The following MAP4K5 variants were observed in gnomAD, a reference collection of about 807,000 sequenced individuals.
MAP4K5 encodes MAPK/ERK kinase kinase kinase 5.
In MAP4K5, 82 loss-of-function variants were observed where a neutral mutation model predicts 135.6. The observed-to-expected ratio is 0.60, with a 90% CI of 0.51 to 0.73. The LOEUF (loss-of-function observed/expected upper bound fraction) is 0.73. Ranked by LOEUF, MAP4K5 falls within the 30% of genes least tolerant of loss-of-function variation. The probability of loss-of-function intolerance (pLI) is 0.00; values close to 1 mark genes in which losing one functional copy is unlikely to be tolerated. For missense variants in MAP4K5, 907 were observed against 1,010.9 expected, an observed-to-expected ratio of 0.90 and a Z score of 1.39; for synonymous variants, 347 against 335.0, an observed-to-expected ratio of 1.04 and a Z score of -0.39.
intron 9 of MAP4K5, among the ~76,000 whole-genome samples, chr14:50,469,790 G>C (rs899191776): frequency 6.6e-6 from 1 of 152,184 alleles, no homozygotes; most frequent in Non-Finnish European, 1.5e-5. Context: ...ATAAAGTATA[G>C]ATGATACTGT....
Position 50,425,962 on chromosome 14 carries a change from C to T in MAP4K5, c.2342G>A (p.Ser781Asn), listed in dbSNP as rs2035836819. 5 of 1,611,388 alleles carry T rather than the reference C, an allele frequency of 3.1e-6. No homozygotes were observed. The Admixed American group carries it at 5.0e-5, about 16-fold the overall frequency. ...RIESVVCLQD[S>N]VLAFWKHGMQ... The stretch of plus-strand genomic sequence containing the variant: ...CCCATGTTTCCAGAAAGCCAACACA[C>T]TGTCTTGAAGGCATACTAAAAATGA... The change falls in exon 31 of 33, where the codon AGT (serine) becomes AAT (asparagine). Residue 781 changes from serine to asparagine, a missense_variant. Coordinates refer to ENST00000682126, the MANE Select transcript of MAP4K5 (RefSeq NM_006575.6).
At chr14:50,462,242 A>T (rs1422859720) in intron 13 of MAP4K5, among the ~76,000 whole-genome samples, 1 of 152,208 alleles carries the variant, frequency 6.6e-6, no homozygotes, top group African/African-American at 2.4e-5. Flanking sequence ...TTGGAAACAG[A>T]TGTTCTTTAT....
intron 2 of MAP4K5, among the ~76,000 whole-genome samples, chr14:50,514,729 TGTAAAGACAAGA>T (rs763772653): frequency 7.9e-5 from 12 of 151,992 alleles, no homozygotes; most frequent in Non-Finnish European, 1.6e-4. Context: ...CAGGCAAAGG[TGTAAAGACAAGA>T]GAAAACATGG....
intron 14 of MAP4K5, among the ~76,000 whole-genome samples, chr14:50,451,275 G>A (rs1413532800): frequency 5.9e-5 from 9 of 151,992 alleles, no homozygotes; most frequent in South Asian, 2.1e-4. Flanking sequence ...AAAAACTTAC[G>A]TGTGGATACA....
intron 3 of MAP4K5, among the ~76,000 whole-genome samples, chr14:50,498,781 T>G (rs528425213): frequency 6.6e-6 from 1 of 151,942 alleles, no homozygotes; most frequent in Admixed American, 6.5e-5. Context: ...CAGACATAAG[T>G]TTTTTTCTAA....
At chr14:50,496,579 G>C (rs1222075505) in intron 3 of MAP4K5, among the ~76,000 whole-genome samples, 4 of 151,830 alleles carry the variant, frequency 2.6e-5, no homozygotes, top group African/African-American at 9.7e-5. Context: ...TGTGAACATG[G>C]TTCATTGAAG....
rs150552569 is a variant in MAP4K5 at position 50,425,789 on chromosome 14, A to G, written c.2397+118T>C. The G allele has an allele frequency of 3.7e-5, 21 of 574,746 alleles. No homozygotes were observed. The East Asian group carries it at 5.4e-4, about 15-fold the overall frequency. The allele number at this position is 574,746 out of a possible 1,614,324, so 35.6% of individuals were successfully genotyped here. A position where few individuals can be genotyped will look rare whatever the true frequency, so the allele number is the denominator to read the frequency against. On this transcript the variant is annotated intron_variant, in intron 31 of 32. Transcript: ENST00000682126. ...ACTGGCTTTTTTGTTCTACCAGTTC[A>G]TAGTATTAAAAGCACTAAACACAGT...
intron 30 of MAP4K5, among the ~76,000 whole-genome samples, chr14:50,428,191 A>G (rs551008953): frequency 6.6e-6 from 1 of 152,232 alleles, no homozygotes; most frequent in African/African-American, 2.4e-5. Context: ...ATGTAGCACT[A>G]ATCATGTTTC....
rs180850540 is a variant in MAP4K5 at position 50,500,160 on chromosome 14, G to A, written c.166+4640C>T. Among the ~76,000 whole-genome samples the A allele has an allele frequency of 2.8e-3, 429 of 152,262 alleles. 3 individuals carry two copies. Among genetic ancestry groups the A allele is most frequent in the Non-Finnish European group, 4.9e-3 (333 of 68,024 alleles). ...TTACATGCTTACACTGTCCCAAGTG[G>A]TGAAATATAGCAGTGAGGATAGATA... On this transcript the variant is annotated intron_variant, in intron 3 of 32. Coordinates refer to ENST00000682126, the MANE Select transcript of MAP4K5 (RefSeq NM_006575.6).
rs1186224256 is a variant in MAP4K5, at chr14:50,523,645, AC to A, written c.108+8296del. Among the ~76,000 whole-genome samples the A allele has an allele frequency of 2.0e-5, 3 of 151,746 alleles. No homozygotes were observed. In the East Asian group the frequency reaches 5.8e-4, roughly 29 times the overall value. On this transcript the variant is annotated intron_variant, in intron 2 of 32. Transcript: ENST00000682126. ...ATTCCTGATCCTCCTTAACCATTCA[AC>A]CTTTTCTTCTTTCTATACCTTTAAT...
chr14:50,526,701 C>T (rs996661697), intron 2 of MAP4K5, among the ~76,000 whole-genome samples: 1 of 152,200 alleles, frequency 6.6e-6, no homozygotes, highest in Non-Finnish European at 1.5e-5. Context: ...ACAAATACTT[C>T]TTTAATGAAT....
In MAP4K5 at chr14:50,434,378, G is replaced by C. The variant is rs777518061; in HGVS notation, c.2164+16C>G. The C allele has an allele frequency of 1.6e-5, 25 of 1,573,952 alleles. No individual in the cohort carries two copies. The highest frequency in any genetic ancestry group is 2.0e-5 in the Non-Finnish European group (23 of 1,157,900). ...CAAAAATATCAATATTCTAACATAA[G>C]GTAAAAAATACTTACCTGCACCAAT... On this transcript the variant is annotated intron_variant, in intron 28 of 32. Transcript: ENST00000682126.
Position 50,466,455 on chromosome 14 carries a change from G to T in MAP4K5, c.737+128C>A, listed in dbSNP as rs2036837215. The T allele has an allele frequency of 1.4e-5, 6 of 416,088 alleles. No individual in the cohort carries two copies. The South Asian group carries it at 2.5e-4, about 17-fold the overall frequency. 25.8% of individuals were successfully genotyped at this position (416,088 alleles called of 1,614,324 possible). On this transcript the variant is annotated intron_variant, in intron 11 of 32. Coordinates refer to ENST00000682126, the MANE Select transcript of MAP4K5 (RefSeq NM_006575.6). ...TTGCCATAGGTCTGCAAGCAAATCA[G>T]CTGTGTAACTTTGAGAAAACTGCTT... is the stretch of plus-strand genomic sequence containing the variant.
chr14:50,550,372 T>A (rs924321433), intron 1 of MAP4K5, among the ~76,000 whole-genome samples: 3 of 152,230 alleles, frequency 2.0e-5, no homozygotes, highest in African/African-American at 7.2e-5. Context: ...ACATCTGTGT[T>A]TGCCTTGTTT....
intron 28 of MAP4K5, among the ~76,000 whole-genome samples, chr14:50,433,344 G>A (rs1466349012): frequency 6.6e-6 from 1 of 152,204 alleles, no homozygotes; most frequent in Non-Finnish European, 1.5e-5. Context: ...ACCAGTGCAT[G>A]CTGGAGCTGG....
At chr14:50,457,822 C>T (rs151286707) in intron 13 of MAP4K5, among the ~76,000 whole-genome samples, 344 of 152,276 alleles carry the variant, frequency 2.3e-3, no homozygotes, top group Non-Finnish European at 4.0e-3. Flanking sequence ...TCTCCATCAA[C>T]ATCTCTCCTT....
At chr14:50,513,680 TTC>T (rs766904530) in intron 2 of MAP4K5, among the ~76,000 whole-genome samples, 58 of 152,208 alleles carry the variant, frequency 3.8e-4, no homozygotes, top group Non-Finnish European at 7.2e-4. Context: ...GCTCCTGTAT[TTC>T]TCTGTTCTTC....
chr14:50,517,505 C>T (rs931925362), intron 2 of MAP4K5, among the ~76,000 whole-genome samples: 2 of 151,414 alleles, frequency 1.3e-5, no homozygotes, highest in South Asian at 2.1e-4. Context: ...TGGTGGCTTA[C>T]ACTTGTAATC....
chr14:50,476,594 G>C (rs1203995453), intron 6 of MAP4K5, among the ~76,000 whole-genome samples: 1 of 152,138 alleles, frequency 6.6e-6, no homozygotes, highest in Non-Finnish European at 1.5e-5. Context: ...CCAAGTAGCC[G>C]GGATTACAGG....
Sources: allele counts gnomAD v4.1 joint callset (sites outside exome capture counted in the v4.1 genomes callset), GRCh38; gene constraint gnomAD v4.1.1; transcripts MANE v1.5; gene names NCBI Gene and HGNC (gene_info 2026-07-23, HGNC 2026-07-21).